ABCA1: variants seen among roughly 807,000 people sequenced by gnomAD.
The protein encoded by ABCA1 is ATP binding cassette subfamily A member 1, also known as phospholipid-transporting ATPase ABCA1.
In ABCA1, 133 loss-of-function variants were observed where a neutral mutation model predicts 262.5. The ratio of observed to expected loss-of-function variants is 0.51; its 90% confidence interval spans 0.44 to 0.59. The LOEUF is 0.59. Among genes scored for constraint, ABCA1 ranks in the 20% least tolerant of loss-of-function variants. The pLI is 0.00. For missense variants in ABCA1, 2,452 were observed against 2,777.5 expected, an observed-to-expected ratio of 0.88 and a Z score of 2.63; for synonymous variants, 1,022 against 1,043.5, an observed-to-expected ratio of 0.98 and a Z score of 0.40.
Position 104,912,269 on chromosome 9 carries a change from C to T in ABCA1, c.-92-8498G>A, listed in dbSNP as rs548571604. Among the ~76,000 whole-genome samples, 180 of 152,302 alleles carry T rather than the reference C, an allele frequency of 1.2e-3. 1 individual carries two copies. The highest frequency in any genetic ancestry group is 3.3e-3 in the Admixed American group (51 of 15,298). On this transcript the variant is annotated intron_variant, in intron 1 of 49. Coordinates refer to ENST00000374736, the MANE Select transcript of ABCA1 (RefSeq NM_005502.4). Reference sequence around the variant, plus strand: ...GAGATCCTGACCGGGTGTGGCGGCTCATGCCTGTAATCCTAACACCTTGGG... The same window carrying T: ...GAGATCCTGACCGGGTGTGGCGGCTTATGCCTGTAATCCTAACACCTTGGG...
At chr9:104,886,229 G>A (rs771618791) in intron 3 of ABCA1, among the ~76,000 whole-genome samples, 15 of 152,170 alleles carry the variant, frequency 9.9e-5, no homozygotes, top group Admixed American at 3.3e-4. Flanking sequence ...TCCCTCCAAA[G>A]TGGGAACCTT....
rs1213690387 is a variant in ABCA1, at chr9:104,896,787, G to C, written c.66+6827C>G. ...ACTCTGTTGCCCAGGCTGGAGTACA[G>C]TAGTATGGTCATAGCTCACTGCAGC... is the stretch of plus-strand genomic sequence containing the variant. On this transcript the variant is annotated intron_variant, in intron 2 of 49. Coordinates refer to ENST00000374736, the MANE Select transcript of ABCA1 (RefSeq NM_005502.4). Among the ~76,000 whole-genome samples, 4 of 117,412 alleles carry C rather than the reference G, an allele frequency of 3.4e-5. No individual in the cohort carries two copies. In the East Asian group the frequency reaches 1.1e-3, roughly 34 times the overall value. The allele number at this position is 117,412 out of a possible 152,430, so 77.0% of individuals were successfully genotyped here.
chr9:104,895,966 C>G (rs1466821641), intron 2 of ABCA1, among the ~76,000 whole-genome samples: 2 of 152,190 alleles, frequency 1.3e-5, no homozygotes, highest in East Asian at 1.9e-4. Context: ...ATAATGCACT[C>G]CGCGCTGAAA....
intron 2 of ABCA1, among the ~76,000 whole-genome samples, chr9:104,896,104 G>A (rs2740491): frequency 0.47 from 71,033 of 152,054 alleles, 18,735 homozygotes; most frequent in African/African-American, 0.72. Context: ...TGGCATGGTC[G>A]TAAATCTAAG....
chr9:104,787,014 G>A (rs770468024), intron 46 of ABCA1, 38 bp from the exon 47 acceptor site: 17 of 1,531,998 alleles, frequency 1.1e-5, no homozygotes, highest in Non-Finnish European at 1.4e-5. Context: ...TTGCTGGGGG[G>A]AAAAAAAATC....
intron 7 of ABCA1, among the ~76,000 whole-genome samples, chr9:104,857,844 G>A (rs1318978100): frequency 6.6e-6 from 1 of 152,174 alleles, no homozygotes; most frequent in Non-Finnish European, 1.5e-5. Context: ...TTGGGGTAGC[G>A]AGAGGAATTT....
At chr9:104,907,510 G>A (rs1316054115) in intron 1 of ABCA1, among the ~76,000 whole-genome samples, 1 of 152,210 alleles carries the variant, frequency 6.6e-6, no homozygotes, top group Non-Finnish European at 1.5e-5. Context: ...TTAAGAGACG[G>A]ATAGGAGAAA....
chr9:104,832,334 G>C (rs918741793), intron 12 of ABCA1, among the ~76,000 whole-genome samples: 1 of 152,142 alleles, frequency 6.6e-6, no homozygotes, highest in African/African-American at 2.4e-5. Flanking sequence ...ATTCTCTTGA[G>C]CCTATATAGA....
chr9:104,794,611 G>C, intron 39 of ABCA1, 101 bp from the exon 40 acceptor site: 1 of 1,407,330 alleles, frequency 7.1e-7, no homozygotes, highest in Non-Finnish European at 9.6e-7. Context: ...TCTGAAATAT[G>C]GGAGTGAAGA....
chr9:104,925,329 T>C (rs375365127), intron 1 of ABCA1, among the ~76,000 whole-genome samples: 4 of 147,884 alleles, frequency 2.7e-5, no homozygotes, highest in African/African-American at 7.4e-5. Flanking sequence ...GTGAGCCATA[T>C]CGTGCCACTG....
intron 18 of ABCA1, among the ~76,000 whole-genome samples, chr9:104,823,322 G>GCA (rs143024075): frequency 1.1e-4 from 16 of 151,574 alleles, no homozygotes; most frequent in Middle Eastern, 3.4e-3. Flanking sequence ...AACTAAATAC[G>GCA]CACACACACA....
At position 104,903,732 on chromosome 9, in the gene ABCA1, G is replaced by A. The variant is rs984907467; in HGVS notation, c.-53C>T. ...TGGCTCGGGAGCCCTGGAAGGCAGCGGCCAGAGCTCACAGCAGGGACGCCG... is the reference window on the plus strand; with the variant it reads ...TGGCTCGGGAGCCCTGGAAGGCAGCAGCCAGAGCTCACAGCAGGGACGCCG... On this transcript the variant is annotated 5_prime_UTR_variant, in exon 2 of 50. Transcript: ENST00000374736. 42 of 1,529,832 alleles carry A rather than the reference G, an allele frequency of 2.7e-5. No individual in the cohort carries two copies. The highest frequency in any genetic ancestry group is 3.4e-4 in the Middle Eastern group (2 of 5,818). The allele number at this position is 1,529,832 out of a possible 1,614,324, so 94.8% of individuals were successfully genotyped here.
chr9:104,877,197 G>A (rs898002869), intron 5 of ABCA1, among the ~76,000 whole-genome samples: 13 of 152,152 alleles, frequency 8.5e-5, no homozygotes, highest in Non-Finnish European at 1.8e-4. Flanking sequence ...ATTATTATTC[G>A]TAGGCTCTGT....
At position 104,786,391 on chromosome 9, in the gene ABCA1, C is replaced by T. The variant is rs981909541; in HGVS notation, c.6309-1G>A. 3.7e-6 allele frequency: 6 copies of T among 1,613,746 alleles called. No homozygotes were observed. The highest frequency in any genetic ancestry group is 5.1e-6 in the Non-Finnish European group (6 of 1,179,794). On this transcript the variant is annotated splice_acceptor_variant, in intron 47 of 49. Coordinates refer to ENST00000374736, the MANE Select transcript of ABCA1 (RefSeq NM_005502.4). LOFTEE classifies it high-confidence loss of function. ...GCAAAGAGCTTCACATTCTTCCATA[C>T]TGCGGTAAAACAGAAAGAGGTTTTA...
At chr9:104,920,799 C>A (rs1016036392) in intron 1 of ABCA1, among the ~76,000 whole-genome samples, 1 of 152,172 alleles carries the variant, frequency 6.6e-6, no homozygotes, top group Non-Finnish European at 1.5e-5. Flanking sequence ...CAGAAGCCAT[C>A]GCGCCCGGCC....
Position 104,784,017 on chromosome 9 carries a change from T to C in ABCA1, c.*298A>G, listed in dbSNP as rs913010213. 5 of 304,028 alleles carry C rather than the reference T, an allele frequency of 1.6e-5. No individual in the cohort carries two copies. Among genetic ancestry groups the C allele is most frequent in the Non-Finnish European group, 3.1e-5 (5 of 163,116 alleles). 18.8% of individuals were successfully genotyped at this position (304,028 alleles called of 1,614,324 possible). On this transcript the variant is annotated 3_prime_UTR_variant, in exon 50 of 50. Transcript: ENST00000374736. ...ACAAAAAAAAAAAAAAAAGTGTGAG[T>C]TCAAACCCATATGTCCATTGGGTTC...
chr9:104,806,941 C>A (rs957794663), intron 30 of ABCA1, among the ~76,000 whole-genome samples: 8 of 152,060 alleles, frequency 5.3e-5, no homozygotes, highest in African/African-American at 1.9e-4. Flanking sequence ...GACATTTCAG[C>A]CAAAACATAA....
intron 5 of ABCA1, among the ~76,000 whole-genome samples, chr9:104,879,941 T>C (rs1838482742): frequency 6.6e-6 from 1 of 152,132 alleles, no homozygotes; most frequent in African/African-American, 2.4e-5. Flanking sequence ...GCCTAAAAAA[T>C]CATGGACTTT....
At chr9:104,824,387 A>G (rs2118983276) in intron 18 of ABCA1, 78 bp downstream of exon 18, 1 of 1,600,028 alleles carries the variant, frequency 6.2e-7, no homozygotes, top group Middle Eastern at 1.7e-4. Flanking sequence ...GAAAGGCAGG[A>G]GACATCGCTT....
Sources: allele counts gnomAD v4.1 joint callset (sites outside exome capture counted in the v4.1 genomes callset), GRCh38; gene constraint gnomAD v4.1.1; transcripts MANE v1.5; gene names NCBI Gene and HGNC (gene_info 2026-07-23, HGNC 2026-07-21).